KIAA0825: variants seen among roughly 807,000 people sequenced by gnomAD.
KIAA0825 encodes the protein uncharacterized protein KIAA0825.
A neutral mutation model predicts 147.6 loss-of-function variants in KIAA0825; 119 were observed. The ratio of observed to expected loss-of-function variants is 0.81; its 90% CI spans 0.69 to 0.94. The LOEUF is 0.94. KIAA0825 is among the 40% of genes least tolerant of loss of function. The pLI is 0.00. For missense variants in KIAA0825, 1,381 were observed against 1,472.7 expected, an observed-to-expected ratio of 0.94 and a Z score of 1.02; for synonymous variants, 470 against 518.1, an observed-to-expected ratio of 0.91 and a Z score of 1.26.
At position 94,499,590 on chromosome 5, in the gene KIAA0825, G is replaced by C. The variant is rs369168884; in HGVS notation, c.971-14660C>G. 9.5e-5 allele frequency among the ~76,000 whole-genome samples: 14 copies of C among 147,462 alleles called. 1 individual carries two copies. The highest frequency in any genetic ancestry group is 6.9e-4 in the South Asian group (3 of 4,362). On this transcript the variant is annotated intron_variant, in intron 5 of 20. Transcript: ENST00000682413. ...TCATATTTTATTTCCCAATCTGGGG[G>C]GGGGGGGGGACCAAGGGTCTTACAC...
At chr5:94,234,374 AAAAAATAAAAAT>A (rs944061385) in intron 20 of KIAA0825, among the ~76,000 whole-genome samples, 6 of 151,732 alleles carry the variant, frequency 4.0e-5, no homozygotes, top group African/African-American at 9.7e-5. Flanking sequence ...CCGTCTCAAA[AAAAAATAAAAAT>A]AAAAATAAAA....
chr5:94,343,203 C>A (rs536112027), intron 20 of KIAA0825, among the ~76,000 whole-genome samples: 1 of 152,244 alleles, frequency 6.6e-6, no homozygotes, highest in African/African-American at 2.4e-5. Context: ...AATGTAAATT[C>A]ACTGAAATTC....
intron 20 of KIAA0825, among the ~76,000 whole-genome samples, chr5:94,333,620 G>A (rs1053818464): frequency 3.3e-5 from 5 of 152,094 alleles, no homozygotes; most frequent in African/African-American, 1.2e-4. Context: ...TGCTGTCTTG[G>A]TTACTGTAGC....
intron 20 of KIAA0825, among the ~76,000 whole-genome samples, chr5:94,186,420 T>C (rs1441489432): frequency 6.6e-6 from 1 of 152,016 alleles, no homozygotes; most frequent in East Asian, 1.9e-4. Flanking sequence ...TTGGAAGAAG[T>C]AAAGAGGTAA....
Position 94,151,131 on chromosome 5 carries a change from A to T in KIAA0825, c.*2876T>A, listed in dbSNP as rs1217317619. Among the ~76,000 whole-genome samples the T allele has an allele frequency of 6.6e-6, 1 of 152,190 alleles. No homozygotes were observed. Among genetic ancestry groups the T allele is most frequent in the Non-Finnish European group, 1.5e-5 (1 of 68,036 alleles). ...TACCACTTCTTATTATACTTAAAAA[A>T]ACATGGCCGGGCGCGGTGGCTCACG... On this transcript the variant is annotated 3_prime_UTR_variant, in exon 21 of 21. Coordinates refer to ENST00000682413, the MANE Select transcript of KIAA0825 (RefSeq NM_001145678.3).
At chr5:94,345,536 A>C (rs1782886998) in intron 20 of KIAA0825, among the ~76,000 whole-genome samples, 1 of 152,154 alleles carries the variant, frequency 6.6e-6, no homozygotes, top group Non-Finnish European at 1.5e-5. Flanking sequence ...TTTCTTTGAA[A>C]CTATTTTCTC....
chr5:94,275,579 TTGAATGAA>T (rs953714019), intron 20 of KIAA0825, among the ~76,000 whole-genome samples: 2 of 152,140 alleles, frequency 1.3e-5, no homozygotes, highest in Admixed American at 6.6e-5. Flanking sequence ...AAAATCTTTG[TTGAATGAA>T]TGAATGAATG....
intron 6 of KIAA0825, among the ~76,000 whole-genome samples, chr5:94,483,183 C>T (rs1183176023): frequency 6.6e-6 from 1 of 151,906 alleles, no homozygotes; most frequent in African/African-American, 2.4e-5. Context: ...CTTTATAATA[C>T]CTCCTAATGC....
At chr5:94,463,662 T>C (rs1178733291) in intron 11 of KIAA0825, among the ~76,000 whole-genome samples, 1 of 151,336 alleles carries the variant, frequency 6.6e-6, no homozygotes, top group Non-Finnish European at 1.5e-5. Context: ...TTATAAAAAC[T>C]AGAAGCAATA....
chr5:94,539,775 G>C (rs1772908363), intron 2 of KIAA0825, among the ~76,000 whole-genome samples: 1 of 152,040 alleles, frequency 6.6e-6, no homozygotes, highest in African/African-American at 2.4e-5. Context: ...AACTTAGGAG[G>C]GTTAGGGTTC....
chr5:94,271,054 A>G (rs1246276415), intron 20 of KIAA0825, among the ~76,000 whole-genome samples: 1 of 152,162 alleles, frequency 6.6e-6, no homozygotes, highest in Non-Finnish European at 1.5e-5. Flanking sequence ...AGTATATGAA[A>G]TATATTTTAC....
At chr5:94,205,376 A>T (rs1772093395) in intron 20 of KIAA0825, among the ~76,000 whole-genome samples, 2 of 147,150 alleles carry the variant, frequency 1.4e-5, no homozygotes, top group South Asian at 2.2e-4. Context: ...ATCTCGGCTC[A>T]CTGCAACCTC....
chr5:94,350,735 C>T (rs983641472), intron 20 of KIAA0825, among the ~76,000 whole-genome samples: 2 of 152,096 alleles, frequency 1.3e-5, no homozygotes, highest in African/African-American at 2.4e-5. Context: ...GCATCTTTTA[C>T]GATTAAAACT....
intron 13 of KIAA0825, among the ~76,000 whole-genome samples, chr5:94,440,724 C>T (rs143114836): frequency 1.2e-4 from 19 of 152,082 alleles, no homozygotes; most frequent in African/African-American, 4.3e-4. Flanking sequence ...GAGGCAAATA[C>T]GCTTCTGCTT....
At chr5:94,584,753 T>C (rs1238150246) in intron 1 of KIAA0825, among the ~76,000 whole-genome samples, 2 of 151,658 alleles carry the variant, frequency 1.3e-5, no homozygotes, top group Admixed American at 6.6e-5. Context: ...TTCACTAAGG[T>C]TGAAATGAAG....
intron 18 of KIAA0825, among the ~76,000 whole-genome samples, chr5:94,389,765 A>G (rs1274017172): frequency 6.6e-6 from 1 of 152,208 alleles, no homozygotes; most frequent in East Asian, 1.9e-4. Context: ...GTACTATGCT[A>G]GTCAGCTAGT....
At chr5:94,161,990 G>A (rs929782081) in intron 20 of KIAA0825, among the ~76,000 whole-genome samples, 6 of 152,136 alleles carry the variant, frequency 3.9e-5, no homozygotes, top group African/African-American at 1.4e-4. Flanking sequence ...CCAAGCTGAG[G>A]CCACTTAATT....
chr5:94,591,645 C>T (rs532238936), intron 1 of KIAA0825, among the ~76,000 whole-genome samples: 3 of 152,154 alleles, frequency 2.0e-5, no homozygotes, highest in South Asian at 4.1e-4. Context: ...GAATGCATAG[C>T]GAAGGACTAC....
intron 20 of KIAA0825, among the ~76,000 whole-genome samples, chr5:94,367,268 G>A (rs1415718975): frequency 2.0e-5 from 3 of 152,062 alleles, no homozygotes; most frequent in East Asian, 1.9e-4. Flanking sequence ...AGGCTGAGGC[G>A]GGTGGATCAC....
Sources: gnomAD v4.1 joint callset for allele counts (sites outside exome capture counted in the v4.1 genomes callset) on GRCh38, gnomAD v4.1.1 for gene constraint, MANE v1.5 for transcripts, NCBI Gene and HGNC (gene_info 2026-07-23, HGNC 2026-07-21) for gene names.